PDILT: variants seen among roughly 807,000 people sequenced by gnomAD.
PDILT encodes the protein protein disulfide isomerase like, testis expressed.
Under a neutral mutation model 53.7 loss-of-function variants are expected in PDILT, and 43 were observed. The ratio of observed to expected loss-of-function variants is 0.80; its 90% confidence interval spans 0.63 to 1.03. PDILT has a LOEUF of 1.03. Among genes scored for constraint, PDILT ranks in the 50% least tolerant of loss-of-function variants. The pLI is 0.00. For synonymous variants in PDILT, 282 were observed against 274.2 expected, an observed-to-expected ratio of 1.03 and a Z score of -0.28; for missense variants, 727 against 712.3, an observed-to-expected ratio of 1.02 and a Z score of -0.24.
In PDILT at chr16:20,359,555, C is replaced by G. The variant is rs1966067549; in HGVS notation, c.1519G>C (p.Glu507Gln). Residue 507 changes from glutamate to glutamine, a missense_variant, in exon 12 of 12, where the codon GAG becomes CAG. Glu to Gln is a conservative substitution (Grantham distance 29). Transcript: ENST00000302451. ...TCCTCTTCTATCACTTCATTTTGCTCAACAGACAACAGCTATGAAAGCAAA... is the reference window on the plus strand; with the variant it reads ...TCCTCTTCTATCACTTCATTTTGCTGAACAGACAACAGCTATGAAAGCAAA... ...IEDEDELLSV[E>Q]QNEVIEEEVL... 1 of 1,613,754 alleles carries G rather than the reference C, an allele frequency of 6.2e-7. No homozygotes were observed. The highest frequency in any genetic ancestry group is 1.3e-5 in the African/African-American group (1 of 74,968).
At chr16:20,390,546 T>C (rs1966595963) in intron 2 of PDILT, 1 of 152,204 alleles carries the variant, frequency 6.6e-6, no homozygotes, top group African/African-American at 2.4e-5. Flanking sequence ...TTCTCCATAG[T>C]ACTTTTAACC....
At chr16:20,389,718 G>A (rs537621231) in intron 2 of PDILT, among the ~76,000 whole-genome samples, 1 of 152,228 alleles carries the variant, frequency 6.6e-6, no homozygotes, top group South Asian at 2.1e-4. Flanking sequence ...ACGTTTGCCT[G>A]GTCTTTAGTA....
rs140049375 is a variant in PDILT at position 20,382,363 on chromosome 16, T to A, written c.409+2282A>T. On this transcript the variant is annotated intron_variant, in intron 3 of 11. Transcript: ENST00000302451. ...CCTGTAGTCCAAATCTGGCCTGCTG[T>A]TTGACTGTATAAATAAAACTTTATT... Among the ~76,000 whole-genome samples, 740 of 152,330 alleles carry A rather than the reference T, an allele frequency of 4.9e-3. 7 individuals are homozygous for A. The highest frequency in any genetic ancestry group is 0.017 in the African/African-American group (690 of 41,568).
At chr16:20,366,371 T>C (rs1966191936) in intron 8 of PDILT, among the ~76,000 whole-genome samples, 1 of 152,158 alleles carries the variant, frequency 6.6e-6, no homozygotes, top group African/African-American at 2.4e-5. Context: ...TCAAAATGTA[T>C]GTCTCAGAAT....
At chr16:20,369,415 A>G (rs1022024872) in intron 8 of PDILT, 77 bp downstream of exon 8, 1 of 1,493,622 alleles carries the variant, frequency 6.7e-7, no homozygotes. Context: ...GGTGAGGAGA[A>G]TTATCAAGGC....
chr16:20,377,827 G>A (rs1350162084), intron 3 of PDILT, among the ~76,000 whole-genome samples: 4 of 152,228 alleles, frequency 2.6e-5, no homozygotes, highest in African/African-American at 7.2e-5. Context: ...GGTGGCACAC[G>A]CCTGTAATCC....
chr16:20,397,571 C>T (rs1270988392), intron 2 of PDILT, among the ~76,000 whole-genome samples: 1 of 152,174 alleles, frequency 6.6e-6, no homozygotes, highest in Non-Finnish European at 1.5e-5. Context: ...GACTGTGAAC[C>T]CCTGAAGCTG....
At chr16:20,387,664 A>T (rs956914496) in intron 2 of PDILT, among the ~76,000 whole-genome samples, 1 of 151,044 alleles carries the variant, frequency 6.6e-6, no homozygotes, top group African/African-American at 2.4e-5. Flanking sequence ...TCTGTCACCC[A>T]GGTTGGAGTA....
In PDILT at chr16:20,382,143, C is replaced by T. The variant is rs142864695; in HGVS notation, c.409+2502G>A. Among the ~76,000 whole-genome samples, 76 of 152,284 alleles carry T rather than the reference C, an allele frequency of 5.0e-4. 3 individuals carry two copies. In the East Asian group the frequency reaches 0.014, roughly 27 times the overall value. ...CAAACTTCTGGGCACAAGTGATCTT[C>T]CCATATCAGCCTCCCAGAGTGTTGG... On this transcript the variant is annotated intron_variant, in intron 3 of 11. Coordinates refer to ENST00000302451, the MANE Select transcript of PDILT (RefSeq NM_174924.2).
In PDILT at chr16:20,372,785, T is replaced by C. The variant is rs761922212; in HGVS notation, c.918+17A>G. 2 of 1,612,750 alleles carry C rather than the reference T, an allele frequency of 1.2e-6. No individual in the cohort carries two copies. Among genetic ancestry groups the C allele is most frequent in the African/African-American group, 1.3e-5 (1 of 74,856 alleles). On this transcript the variant is annotated intron_variant, in intron 7 of 11. Transcript: ENST00000302451. ...CTCATCCAGGAGTCCCAGAGAGCAA[T>C]GGTGCACTCTACAAACCTTGTTTTG...
At chr16:20,394,239 A>T (rs1348981875) in intron 2 of PDILT, among the ~76,000 whole-genome samples, 2 of 152,192 alleles carry the variant, frequency 1.3e-5, no homozygotes, top group East Asian at 3.8e-4. Context: ...CTTGGAGAAA[A>T]TAGTTTTTGA....
rs759174666 is a variant in PDILT, at chr16:20,365,438, C to T, written c.1219G>A (p.Asp407Asn). 3 of 1,614,002 alleles carry T rather than the reference C, an allele frequency of 1.9e-6. No homozygotes were observed. The East Asian group carries it at 6.7e-5, about 36-fold the overall frequency. The change falls in exon 9 of 12, where the codon GAC becomes AAC. Residue 407 changes from aspartate to asparagine, a missense_variant. Transcript: ENST00000302451. ...TACTTACAGAACATCACAAATACGT[C>T]CTTTTCTTTGTCAAAGACGACTACG... ...FNVVVFDKEKDVFVMFYAPWS... is the reference protein window; with the variant it reads ...FNVVVFDKEKNVFVMFYAPWS...
chr16:20,366,745 A>T (rs545514081), intron 8 of PDILT, among the ~76,000 whole-genome samples: 10 of 151,994 alleles, frequency 6.6e-5, no homozygotes, highest in African/African-American at 2.4e-4. Context: ...AATCCACATC[A>T]TTTTCTCCAT....
At chr16:20,386,637 G>A (rs961220119) in intron 2 of PDILT, among the ~76,000 whole-genome samples, 1 of 152,206 alleles carries the variant, frequency 6.6e-6, no homozygotes, top group Admixed American at 6.5e-5. Flanking sequence ...GACCGGAAGC[G>A]GGGACTTTGT....
chr16:20,372,186 T>G (rs1360189439), intron 7 of PDILT, among the ~76,000 whole-genome samples: 2 of 152,224 alleles, frequency 1.3e-5, no homozygotes, highest in African/African-American at 4.8e-5. Context: ...AAAAGCACCA[T>G]TGATTGTAAA....
intron 2 of PDILT, among the ~76,000 whole-genome samples, chr16:20,386,526 C>T (rs1206510974): frequency 6.6e-6 from 1 of 152,170 alleles, no homozygotes; most frequent in Non-Finnish European, 1.5e-5. Context: ...GAAAGCAGGG[C>T]CCCGGGACAG....
chr16:20,371,862 A>G (rs1966311599), intron 7 of PDILT, among the ~76,000 whole-genome samples: 1 of 152,220 alleles, frequency 6.6e-6, no homozygotes, highest in African/African-American at 2.4e-5. Flanking sequence ...CATATATTTA[A>G]CAAGAGGAAT....
In PDILT at chr16:20,377,005, G is replaced by A. The variant is rs553648190; in HGVS notation, c.410-804C>T. On this transcript the variant is annotated intron_variant, in intron 3 of 11. Coordinates refer to ENST00000302451, the MANE Select transcript of PDILT (RefSeq NM_174924.2). Reference sequence around the variant, plus strand: ...CTGAACATTTTAAATAAGTTTATGAGCTAAGCATGGTGGCCTATGCCTATT... The same window carrying A: ...CTGAACATTTTAAATAAGTTTATGAACTAAGCATGGTGGCCTATGCCTATT... 5.3e-5 allele frequency among the ~76,000 whole-genome samples: 8 copies of A among 152,316 alleles called. No individual in the cohort carries two copies. In the South Asian group the frequency reaches 6.2e-4, roughly 12 times the overall value.
At chr16:20,394,614 G>A (rs1051800517) in intron 2 of PDILT, among the ~76,000 whole-genome samples, 3 of 152,218 alleles carry the variant, frequency 2.0e-5, no homozygotes, top group African/African-American at 4.8e-5. Context: ...TGCAGATTCC[G>A]ATTCAGTGCT....
Sources: gnomAD v4.1 joint callset for allele counts (sites outside exome capture counted in the v4.1 genomes callset) on GRCh38, gnomAD v4.1.1 for gene constraint, MANE v1.5 for transcripts, NCBI Gene and HGNC (gene_info 2026-07-23, HGNC 2026-07-21) for gene names.